Variants in BRINP3 observed in about 807,000 individuals in gnomAD.
BRINP3 encodes the protein BMP/retinoic acid-inducible neural-specific protein 3.
A neutral mutation model predicts 71.0 loss-of-function variants in BRINP3; 19 were observed. The observed-to-expected ratio is 0.27, with a 90% CI of 0.19 to 0.39. The LOEUF is 0.39. BRINP3 is among the 10% of genes least tolerant of loss of function. The pLI, the probability that BRINP3 is intolerant of heterozygous loss-of-function variation, is 1.00. For synonymous variants in BRINP3, 380 were observed against 337.7 expected (o/e 1.13, Z -1.37); for missense variants, 959 against 940.8 (o/e 1.02, Z -0.25).
At chr1:190,260,108 G>A (rs1661053228) in intron 4 of BRINP3, among the ~76,000 whole-genome samples, 1 of 150,950 alleles carries the variant, frequency 6.6e-6, no homozygotes, top group Admixed American at 6.6e-5. Context: ...AGCAAAAACA[G>A]AGTGGTTACT....
At chr1:190,227,253 C>A (rs1335488240) in intron 5 of BRINP3, among the ~76,000 whole-genome samples, 1 of 151,612 alleles carries the variant, frequency 6.6e-6, no homozygotes, top group East Asian at 1.9e-4. Context: ...AATGTTGACC[C>A]TTGACTATTA....
intron 7 of BRINP3, among the ~76,000 whole-genome samples, chr1:190,104,895 A>C (rs542597572): frequency 9.2e-5 from 14 of 152,258 alleles, no homozygotes; most frequent in African/African-American, 3.4e-4. Flanking sequence ...ATGTGGATAC[A>C]AACTTTAAAA....
intron 7 of BRINP3, among the ~76,000 whole-genome samples, chr1:190,101,607 T>C (rs1651708189): frequency 2.6e-5 from 4 of 152,112 alleles, no homozygotes; most frequent in Admixed American, 2.6e-4. Context: ...TCCTCTCCTG[T>C]TTTTGCTTCT....
At chr1:190,260,776 CTTAAG>C (rs778202582) in intron 4 of BRINP3, among the ~76,000 whole-genome samples, 10 of 152,166 alleles carry the variant, frequency 6.6e-5, no homozygotes, top group Non-Finnish European at 1.0e-4. Flanking sequence ...CTGCAACACT[CTTAAG>C]TTAACTATGC....
At chr1:190,174,401 T>C (rs2102509421) in intron 6 of BRINP3, among the ~76,000 whole-genome samples, 1 of 152,196 alleles carries the variant, frequency 6.6e-6, no homozygotes, top group African/African-American at 2.4e-5. Context: ...TCTGAGTATA[T>C]AGATCCATAC....
chr1:190,452,578 G>C (rs550699662), intron 2 of BRINP3, among the ~76,000 whole-genome samples: 19 of 152,246 alleles, frequency 1.2e-4, no homozygotes, highest in Non-Finnish European at 2.2e-4. Flanking sequence ...TGTCAAGCTG[G>C]CCGCGCACGG....
intron 2 of BRINP3, among the ~76,000 whole-genome samples, chr1:190,372,916 A>G (rs989076800): frequency 6.6e-6 from 1 of 152,214 alleles, no homozygotes; most frequent in African/African-American, 2.4e-5. Context: ...ATAAAATATT[A>G]GAGAATAAAT....
chr1:190,226,089 C>A lies in BRINP3; in HGVS notation c.954G>T (p.Glu318Asp). 1 of 1,579,934 alleles carries A rather than the reference C, an allele frequency of 6.3e-7. No individual in the cohort carries two copies. Among genetic ancestry groups the A allele is most frequent in the South Asian group, 1.1e-5 (1 of 87,144 alleles). The change falls in exon 6 of 8, where the codon GAG becomes GAT. Residue 318 changes from glutamate (E) to aspartate (D), a missense_variant. By Grantham distance (45) the Glu-to-Asp change is conservative. Coordinates refer to ENST00000367462, the MANE Select transcript of BRINP3 (RefSeq NM_199051.3). ...ETWKAYNSDF[E>D]ESDEFKLFMK... Reference sequence around the variant, plus strand: ...TTAAAATACATGTCTTACCTGATTCCTCAAAGTCACTGTTGTAAGCTTTCC... The same window carrying A: ...TTAAAATACATGTCTTACCTGATTCATCAAAGTCACTGTTGTAAGCTTTCC...
At chr1:190,249,826 T>C (rs553753942) in intron 4 of BRINP3, among the ~76,000 whole-genome samples, 23 of 152,040 alleles carry the variant, frequency 1.5e-4, no homozygotes, top group South Asian at 8.3e-4. Context: ...ATATATTATA[T>C]AGTCAACAGT....
intron 1 of BRINP3, among the ~76,000 whole-genome samples, chr1:190,473,310 A>C (rs1677267043): frequency 6.6e-6 from 1 of 152,036 alleles, no homozygotes; most frequent in Non-Finnish European, 1.5e-5. Context: ...TAAGAAAAGC[A>C]CTACAACTTT....
rs143710849 is a variant in BRINP3 at position 190,123,180 on chromosome 1, GC to G, written c.1185-24047del. On this transcript the variant is annotated intron_variant, in intron 7 of 7. Transcript: ENST00000367462. ...CTTACTGCTTATGATAATACTTGTTGCTTGCTCAAAAAGTATTGGACTCTTG... is the reference window on the plus strand; with the variant it reads ...CTTACTGCTTATGATAATACTTGTTGTTGCTCAAAAAGTATTGGACTCTTG... Among the ~76,000 whole-genome samples the G allele has an allele frequency of 2.8e-3, 425 of 152,196 alleles. 2 individuals carry two copies. The highest frequency in any genetic ancestry group is 9.8e-3 in the African/African-American group (405 of 41,536).
chr1:190,240,213 A>G (rs1188989886), intron 4 of BRINP3, among the ~76,000 whole-genome samples: 1 of 152,056 alleles, frequency 6.6e-6, no homozygotes, highest in Non-Finnish European at 1.5e-5. Flanking sequence ...TCTAAATAGC[A>G]ATAAAAAGGA....
At chr1:190,250,007 G>T (rs1659989819) in intron 4 of BRINP3, among the ~76,000 whole-genome samples, 1 of 151,818 alleles carries the variant, frequency 6.6e-6, no homozygotes, top group Admixed American at 6.6e-5. Flanking sequence ...GATAGAAAAT[G>T]GATATAGGAC....
chr1:190,467,540 T>C (rs1228859805), intron 1 of BRINP3, among the ~76,000 whole-genome samples: 1 of 151,426 alleles, frequency 6.6e-6, no homozygotes, highest in Non-Finnish European at 1.5e-5. Context: ...TTAGCACAAC[T>C]TACCCAGTTG....
chr1:190,259,738 T>A (rs781284046), intron 4 of BRINP3, among the ~76,000 whole-genome samples: 17 of 151,672 alleles, frequency 1.1e-4, no homozygotes, highest in Non-Finnish European at 2.2e-4. Flanking sequence ...TAATAGAAAG[T>A]CTCAAAGAAG....
chr1:190,361,493 C>T (rs1266657374), intron 2 of BRINP3, among the ~76,000 whole-genome samples: 2 of 152,086 alleles, frequency 1.3e-5, no homozygotes, highest in Non-Finnish European at 2.9e-5. Flanking sequence ...ACCCCCGCCT[C>T]CAGGGTTCAA....
intron 2 of BRINP3, among the ~76,000 whole-genome samples, chr1:190,447,059 C>T (rs1043507618): frequency 1.3e-5 from 2 of 151,694 alleles, no homozygotes; most frequent in Admixed American, 6.6e-5. Flanking sequence ...GTGCAATATA[C>T]ATGAAAGAGA....
chr1:190,370,131 G>A (rs1283641475), intron 2 of BRINP3, among the ~76,000 whole-genome samples: 3 of 152,130 alleles, frequency 2.0e-5, no homozygotes, highest in African/African-American at 4.8e-5. Flanking sequence ...TTTCATCCCC[G>A]TAACATTTTC....
chr1:190,203,815 A>G (rs1207508084), intron 6 of BRINP3, among the ~76,000 whole-genome samples: 12 of 89,412 alleles, frequency 1.3e-4, no homozygotes, highest in African/African-American at 5.0e-4. Context: ...ATATATATAT[A>G]AATGAAAACA....
Sources: allele counts gnomAD v4.1 joint callset (sites outside exome capture counted in the v4.1 genomes callset), GRCh38; gene constraint gnomAD v4.1.1; transcripts MANE v1.5; gene names NCBI Gene and HGNC (gene_info 2026-07-23, HGNC 2026-07-21).